SH3BP4: variants seen among roughly 807,000 people sequenced by gnomAD.
SH3BP4 encodes SH3 domain-binding protein 4.
Under a neutral mutation model 65.5 loss-of-function variants are expected in SH3BP4, and 33 were observed. The ratio of observed to expected loss-of-function variants is 0.50; its 90% CI spans 0.38 to 0.67. The LOEUF (loss-of-function observed/expected upper bound fraction) is 0.67. Ranked by LOEUF, SH3BP4 falls within the 30% of genes least tolerant of loss-of-function variation. The pLI is 0.00. For missense variants in SH3BP4, 1,134 were observed against 1,261.4 expected (o/e 0.90, Z 1.53); for synonymous variants, 552 against 545.5 (o/e 1.01, Z -0.17).
chr2:234,982,904 C>T (rs1411384338), intron 1 of SH3BP4, among the ~76,000 whole-genome samples: 12 of 152,040 alleles, frequency 7.9e-5, no homozygotes, highest in Admixed American at 7.2e-4. Flanking sequence ...GCTCTTGAGC[C>T]GGGGATAATA....
At position 235,052,803 on chromosome 2, in the gene SH3BP4, G is replaced by T. The variant is rs1005196220; in HGVS notation, c.2667+53G>T. 51 of 1,466,502 alleles carry T rather than the reference G, an allele frequency of 3.5e-5. No individual in the cohort carries two copies. In the South Asian group the frequency reaches 6.0e-4, roughly 17 times the overall value. The allele number at this position is 1,466,502 out of a possible 1,614,324, so 90.8% of individuals were successfully genotyped here. ...CCGAGCCCCTCTGTCCCTGGGTTCCGTGGACCCATGCAGTGCAGCCATAAA... is the reference window on the plus strand; with the variant it reads ...CCGAGCCCCTCTGTCCCTGGGTTCCTTGGACCCATGCAGTGCAGCCATAAA... On this transcript the variant is annotated intron_variant, in intron 5 of 5. Transcript: ENST00000392011. The surrounding 1 kb of genome is among the most constrained non-coding windows in gnomAD (Gnocchi z 5.0).
intron 1 of SH3BP4, among the ~76,000 whole-genome samples, chr2:234,971,604 G>A (rs1184717917): frequency 2.0e-5 from 3 of 152,082 alleles, no homozygotes; most frequent in East Asian, 1.9e-4. Context: ...TGGCATTTCC[G>A]TCGACAGTGT....
At chr2:235,047,475 G>A (rs950637932) in intron 4 of SH3BP4, among the ~76,000 whole-genome samples, 1 of 152,268 alleles carries the variant, frequency 6.6e-6, no homozygotes, top group East Asian at 1.9e-4. Flanking sequence ...GCGTCTGGCA[G>A]TGGTAGAGGC....
intron 2 of SH3BP4, among the ~76,000 whole-genome samples, chr2:235,003,108 T>C (rs561677195): frequency 1.3e-5 from 2 of 152,352 alleles, no homozygotes; most frequent in East Asian, 3.9e-4. Context: ...CTTTAGAAAA[T>C]CTTCAAGCTA....
rs1696001489 is a variant in SH3BP4, at chr2:235,050,140, G to T, written c.2479-2422G>T. 2.6e-5 allele frequency among the ~76,000 whole-genome samples: 4 copies of T among 151,734 alleles called. No homozygotes were observed. In the South Asian group the frequency reaches 8.3e-4, roughly 32 times the overall value. On this transcript the variant is annotated intron_variant, in intron 4 of 5. Transcript: ENST00000392011. The stretch of plus-strand genomic sequence containing the variant: ...TTTTTCTTTTCTTTTTTTTGAGACG[G>T]AGTCTCGCTCTGTCCCCTAGGCTGG...
intron 4 of SH3BP4, among the ~76,000 whole-genome samples, chr2:235,050,292 T>C (rs1222096441): frequency 6.6e-6 from 1 of 152,056 alleles, no homozygotes. Context: ...ATTTTTTTTG[T>C]ACTTTTAGTA....
chr2:234,999,189 C>T (rs572178315), intron 2 of SH3BP4, among the ~76,000 whole-genome samples: 13 of 152,354 alleles, frequency 8.5e-5, no homozygotes, highest in East Asian at 1.9e-4. Context: ...GGACTAAGAA[C>T]GGCGCCTGCC....
rs781690448 is a variant in SH3BP4 at position 235,041,032 on chromosome 2, C to G, written c.263C>G (p.Ser88Cys). 1.3e-5 allele frequency: 21 copies of G among 1,614,074 alleles called. No homozygotes were observed. In the South Asian group the frequency reaches 1.9e-4, roughly 14 times the overall value. The change falls in exon 4 of 6, where the codon TCT becomes TGT. Residue 88 changes from serine (S) to cysteine (C), a missense_variant. Physicochemically the swap from Ser to Cys is moderately radical, Grantham distance 112 (BLOSUM62 -1). Transcript: ENST00000392011. The surrounding 1 kb of genome is among the most constrained non-coding windows in gnomAD (Gnocchi z 6.0). ...GACCATCTCTACGTCTTGGACACAT[C>G]TGGCGGTGAGTGGTGGTACGCACAC... ...KGDHLYVLDT[S>C]GGEWWYAHNT...
intron 1 of SH3BP4, among the ~76,000 whole-genome samples, chr2:234,970,004 G>GTC (rs768321122): frequency 1.4e-5 from 2 of 143,830 alleles, no homozygotes; most frequent in African/African-American, 5.3e-5. Flanking sequence ...CACACTCGCT[G>GTC]TCTCACACAC....
intron 1 of SH3BP4, among the ~76,000 whole-genome samples, chr2:234,990,969 A>G (rs964849335): frequency 1.4e-5 from 2 of 147,038 alleles, no homozygotes; most frequent in African/African-American, 5.1e-5. Context: ...GTCTGTTGAA[A>G]CTCCCCCCTT....
chr2:234,983,642 G>A (rs1425187388), intron 1 of SH3BP4, among the ~76,000 whole-genome samples: 1 of 152,234 alleles, frequency 6.6e-6, no homozygotes. Context: ...TCTTGAGATG[G>A]TGAGATACCC....
At chr2:235,017,724 C>T (rs572872448) in intron 2 of SH3BP4, among the ~76,000 whole-genome samples, 4 of 152,286 alleles carry the variant, frequency 2.6e-5, no homozygotes, top group African/African-American at 9.6e-5. Flanking sequence ...TGTCAGGCCC[C>T]CTCCCCTGCT....
In SH3BP4 at chr2:234,978,198, C is replaced by T. The variant is rs530504760; in HGVS notation, c.-206-17105C>T. Among the ~76,000 whole-genome samples the T allele has an allele frequency of 1.3e-4, 20 of 152,310 alleles. No individual in the cohort carries two copies. The East Asian group carries it at 2.7e-3, about 21-fold the overall frequency. Reference sequence around the variant, plus strand: ...ATCGAACTCCCGACCTCAGGTGATCCGCCTGCCTCAGCCTCCCAAAGTGCT... The same window carrying T: ...ATCGAACTCCCGACCTCAGGTGATCTGCCTGCCTCAGCCTCCCAAAGTGCT... On this transcript the variant is annotated intron_variant, in intron 1 of 5. Transcript: ENST00000392011. The surrounding 1 kb of genome is among the most constrained non-coding windows in gnomAD (Gnocchi z 4.1).
At position 234,976,253 on chromosome 2, in the gene SH3BP4, C is replaced by T. The variant is rs113304009; in HGVS notation, c.-206-19050C>T. 0.049 allele frequency among the ~76,000 whole-genome samples: 7,471 copies of T among 152,280 alleles called. 615 individuals carry two copies. Among genetic ancestry groups the T allele is most frequent in the African/African-American group, 0.17 (6,882 of 41,538 alleles). ...AGCCCACCTGGCCAGGTTTGAAGGG[C>T]TTGGGCAGGACAGGTGGTATCTGGG... On this transcript the variant is annotated intron_variant, in intron 1 of 5. Transcript: ENST00000392011. The surrounding 1 kb of genome is among the most constrained non-coding windows in gnomAD (Gnocchi z 4.7).
chr2:234,999,753 G>T (rs1220940983), intron 2 of SH3BP4, among the ~76,000 whole-genome samples: 4 of 152,162 alleles, frequency 2.6e-5, no homozygotes, highest in Non-Finnish European at 4.4e-5. Flanking sequence ...CAGGATTATT[G>T]GAATGATCCA....
chr2:235,050,948 T>C (rs1359695423), intron 4 of SH3BP4, among the ~76,000 whole-genome samples: 2 of 152,156 alleles, frequency 1.3e-5, no homozygotes, highest in Non-Finnish European at 2.9e-5. Context: ...GTGACTTTCC[T>C]CTTCTCTTAG....
At chr2:235,036,828 C>T (rs1378181074) in intron 3 of SH3BP4, among the ~76,000 whole-genome samples, 1 of 151,866 alleles carries the variant, frequency 6.6e-6, no homozygotes, top group African/African-American at 2.4e-5. Context: ...GGAAGACAAA[C>T]AAGACAGCCT....
intron 1 of SH3BP4, among the ~76,000 whole-genome samples, chr2:234,993,399 G>C (rs921423376): frequency 3.9e-5 from 6 of 152,198 alleles, no homozygotes; most frequent in African/African-American, 1.2e-4. Flanking sequence ...AGCAGTGCCG[G>C]TGCCTGCCTA....
intron 4 of SH3BP4, among the ~76,000 whole-genome samples, chr2:235,044,088 A>G (rs1429222815): frequency 6.6e-6 from 1 of 152,168 alleles, no homozygotes; most frequent in Non-Finnish European, 1.5e-5. Context: ...AGTCCCACGA[A>G]CCGCTGCCCC....
Sources: allele counts gnomAD v4.1 joint callset (sites outside exome capture counted in the v4.1 genomes callset), GRCh38; gene constraint gnomAD v4.1.1; non-coding constraint Gnocchi (gnomAD v3.1); transcripts MANE v1.5; gene names NCBI Gene and HGNC (gene_info 2026-07-23, HGNC 2026-07-21).